The following RAB38 variants were observed in gnomAD, a reference collection of about 807,000 sequenced individuals.
RAB38 encodes RAB38, member RAS oncogene family.
In RAB38, 15 loss-of-function variants were observed where a neutral mutation model predicts 18.4. That is an observed-to-expected ratio of 0.82 (90% CI 0.55 to 1.26). RAB38 has a LOEUF of 1.26. Ranked by LOEUF, RAB38 falls within the 50% of genes most tolerant of loss-of-function variation. The probability of loss-of-function intolerance (pLI) is 0.00; values close to 1 mark genes in which losing one functional copy is unlikely to be tolerated. For synonymous variants in RAB38, 101 were observed against 104.4 expected, an observed-to-expected ratio of 0.97 and a Z score of 0.20; for missense variants, 294 against 267.4, an observed-to-expected ratio of 1.10 and a Z score of -0.69.
At chr11:87,957,072 ATCTG>A in the RAB38 span, among the ~76,000 whole-genome samples, 2 of 152,018 alleles carry the variant, frequency 1.3e-5, no homozygotes, top group South Asian at 2.1e-4. Context: ...TCTCTTATGA[ATCTG>A]TCTATTGTTA....
the RAB38 span, among the ~76,000 whole-genome samples, chr11:87,969,161 A>C: frequency 3.3e-5 from 5 of 152,054 alleles, no homozygotes. Context: ...TTACCTTCAA[A>C]TTACATTAAC....
the RAB38 span, among the ~76,000 whole-genome samples, chr11:88,018,838 T>G: frequency 6.6e-6 from 1 of 152,204 alleles, no homozygotes; most frequent in East Asian, 1.9e-4. Flanking sequence ...TATTTAAATA[T>G]TTCAATCAGA....
At chr11:87,834,355 C>G in the RAB38 span, among the ~76,000 whole-genome samples, 1 of 152,204 alleles carries the variant, frequency 6.6e-6, no homozygotes, top group Middle Eastern at 3.2e-3. Context: ...TTATGAGACT[C>G]TAAGCTGAGA....
At chr11:87,872,376 C>T in the RAB38 span, among the ~76,000 whole-genome samples, 15 of 151,632 alleles carry the variant, frequency 9.9e-5, no homozygotes, top group Admixed American at 3.3e-4. Flanking sequence ...GTCTCACATA[C>T]GCACAGCCTC....
chr11:87,970,722 G>A, the RAB38 span, among the ~76,000 whole-genome samples: 1 of 152,094 alleles, frequency 6.6e-6, no homozygotes, highest in East Asian at 1.9e-4. Context: ...GATAGTTGGG[G>A]CATTGTATAA....
At chr11:88,096,252 G>C in the RAB38 span, among the ~76,000 whole-genome samples, 4 of 151,854 alleles carry the variant, frequency 2.6e-5, 1 homozygote, top group South Asian at 8.3e-4. Context: ...CCTCTTTACA[G>C]TTCCTTGGAA....
At chr11:88,044,292 G>A in the RAB38 span, among the ~76,000 whole-genome samples, 4 of 151,870 alleles carry the variant, frequency 2.6e-5, no homozygotes, top group Non-Finnish European at 4.4e-5. Flanking sequence ...AGGAACCCCC[G>A]ACCCCTTCTC....
chr11:88,071,974 C>T, the RAB38 span, among the ~76,000 whole-genome samples: 1 of 152,186 alleles, frequency 6.6e-6, no homozygotes, highest in Non-Finnish European at 1.5e-5. Flanking sequence ...CATTGTAAGT[C>T]ATAAGTACAA....
chr11:88,046,284 G>A, the RAB38 span, among the ~76,000 whole-genome samples: 1 of 152,040 alleles, frequency 6.6e-6, no homozygotes, highest in South Asian at 2.1e-4. Context: ...CATTTTACCT[G>A]TCCTAAAACC....
chr11:88,051,351 T>C, the RAB38 span, among the ~76,000 whole-genome samples: 2 of 152,038 alleles, frequency 1.3e-5, no homozygotes, highest in South Asian at 4.1e-4. Context: ...TGCATAGATC[T>C]GATTCTAATC....
chr11:87,958,149 G>C, the RAB38 span, among the ~76,000 whole-genome samples: 1 of 152,124 alleles, frequency 6.6e-6, no homozygotes, highest in Non-Finnish European at 1.5e-5. Context: ...CCCCCAGTCA[G>C]CCAAGCAATT....
At chr11:88,170,030 C>A (rs1478401945) in intron 1 of RAB38, among the ~76,000 whole-genome samples, 1 of 152,074 alleles carries the variant, frequency 6.6e-6, no homozygotes, top group Non-Finnish European at 1.5e-5. Context: ...CAATCCCCTC[C>A]CACTCTCAAA....
At chr11:87,949,337 C>T in the RAB38 span, among the ~76,000 whole-genome samples, 1 of 152,136 alleles carries the variant, frequency 6.6e-6, no homozygotes, top group Non-Finnish European at 1.5e-5. Context: ...TTTCAAAAAA[C>T]CAGATCCTGG....
the RAB38 span, among the ~76,000 whole-genome samples, chr11:87,952,964 TTTTAAAACATTTAAACATAAAACA>T: frequency 6.6e-5 from 10 of 152,178 alleles, no homozygotes; most frequent in Non-Finnish European, 1.3e-4. Flanking sequence ...ATGTTTTTAA[TTTTAAAACATTTAAACATAAAACA>T]TTTAAAACAT....
chr11:87,887,530 G>A, the RAB38 span, among the ~76,000 whole-genome samples: 1 of 151,958 alleles, frequency 6.6e-6, no homozygotes, highest in Admixed American at 6.6e-5. Context: ...CTTTCTAGTA[G>A]TATGAATTAG....
the RAB38 span, among the ~76,000 whole-genome samples, chr11:87,877,050 A>G: frequency 6.6e-6 from 1 of 151,610 alleles, no homozygotes; most frequent in Non-Finnish European, 1.5e-5. Context: ...GAGAATATTC[A>G]TGAGTGGTCT....
the RAB38 span, among the ~76,000 whole-genome samples, chr11:88,053,596 A>G: frequency 3.3e-5 from 5 of 151,508 alleles, no homozygotes; most frequent in African/African-American, 1.2e-4. Flanking sequence ...ATGCATTTAT[A>G]AAAACCAATA....
chr11:87,890,132 C>T, the RAB38 span, among the ~76,000 whole-genome samples: 1 of 151,696 alleles, frequency 6.6e-6, no homozygotes, highest in African/African-American at 2.4e-5. Context: ...TATAGAGTTA[C>T]CTCTGTGTAT....
the RAB38 span, among the ~76,000 whole-genome samples, chr11:87,952,254 T>C: frequency 6.6e-6 from 1 of 152,296 alleles, no homozygotes; most frequent in East Asian, 1.9e-4. Context: ...TCTCAAAGTC[T>C]TGAGCTTCAT....
Sources: gnomAD v4.1 joint callset for allele counts (sites outside exome capture counted in the v4.1 genomes callset) on GRCh38, gnomAD v4.1.1 for gene constraint, MANE v1.5 for transcripts, NCBI Gene and HGNC (gene_info 2026-07-23, HGNC 2026-07-21) for gene names.